Variants in CADPS2 observed in about 807,000 individuals in gnomAD.
CADPS2 encodes calcium dependent secretion activator 2, also known as calcium-dependent secretion activator 2.
CADPS2 carries 93 observed loss-of-function variants against 172.5 expected under a neutral mutation model. The observed-to-expected ratio is 0.54, with a 90% confidence interval of 0.46 to 0.64. The LOEUF (loss-of-function observed/expected upper bound fraction) is 0.64. Among genes scored for constraint, CADPS2 ranks in the 30% least tolerant of loss-of-function variants. CADPS2 has a pLI of 0.00. For synonymous variants in CADPS2, 546 were observed against 555.2 expected, an observed-to-expected ratio of 0.98 and a Z score of 0.23; for missense variants, 1,420 against 1,565.9, an observed-to-expected ratio of 0.91 and a Z score of 1.57.
intron 8 of CADPS2, among the ~76,000 whole-genome samples, chr7:122,521,873 T>C (rs1365454835): frequency 6.6e-6 from 1 of 152,166 alleles, no homozygotes; most frequent in East Asian, 1.9e-4. Context: ...GTTAGTTTCA[T>C]CTCAGTTAAA....
chr7:122,871,631 G>A (rs140691736), intron 1 of CADPS2, among the ~76,000 whole-genome samples: 39 of 152,154 alleles, frequency 2.6e-4, no homozygotes, highest in African/African-American at 7.7e-4. Context: ...TGAAAACGTG[G>A]CTTGTGTGAA....
intron 16 of CADPS2, 46 bp from the exon 17 acceptor site, chr7:122,438,510 G>C: frequency 6.3e-6 from 10 of 1,598,624 alleles, no homozygotes; most frequent in African/African-American, 2.7e-5. Flanking sequence ...GTTGGGGATA[G>C]ACAGATGGAA....
chr7:122,360,061 T>C (rs1330946323), intron 27 of CADPS2, among the ~76,000 whole-genome samples: 1 of 152,206 alleles, frequency 6.6e-6, no homozygotes, highest in Non-Finnish European at 1.5e-5. Context: ...TTATTTTTCA[T>C]TGTGCTCTAA....
At chr7:122,706,811 CAT>C (rs200334796) in intron 2 of CADPS2, among the ~76,000 whole-genome samples, 187 of 146,784 alleles carry the variant, frequency 1.3e-3, no homozygotes, top group African/African-American at 3.7e-3. Flanking sequence ...CACACACACA[CAT>C]ATATATATAT....
At chr7:122,522,740 C>G (rs2060909635) in intron 8 of CADPS2, among the ~76,000 whole-genome samples, 4 of 151,246 alleles carry the variant, frequency 2.6e-5, no homozygotes, top group Admixed American at 2.6e-4. Context: ...CCCCCAACAC[C>G]CTTCCCAGCC....
intron 17 of CADPS2, among the ~76,000 whole-genome samples, chr7:122,416,388 A>G (rs1163906653): frequency 1.3e-5 from 2 of 152,162 alleles, no homozygotes; most frequent in Non-Finnish European, 2.9e-5. Context: ...TTTAATATAT[A>G]AGAACAGGTG....
intron 8 of CADPS2, among the ~76,000 whole-genome samples, chr7:122,550,769 C>T (rs914214731): frequency 6.6e-6 from 1 of 152,092 alleles, no homozygotes; most frequent in Non-Finnish European, 1.5e-5. Context: ...TACAGACACA[C>T]ACACACACAC....
intron 28 of CADPS2, among the ~76,000 whole-genome samples, chr7:122,329,352 ATAG>A (rs2034506258): frequency 1.3e-5 from 2 of 152,082 alleles, no homozygotes; most frequent in Non-Finnish European, 2.9e-5. Context: ...CATCTCCTAA[ATAG>A]TGCAGCTGAG....
intron 1 of CADPS2, among the ~76,000 whole-genome samples, chr7:122,861,797 C>G (rs1312029919): frequency 6.6e-6 from 1 of 152,132 alleles, no homozygotes; most frequent in Non-Finnish European, 1.5e-5. Context: ...TAAATATGTA[C>G]CATTATCTGT....
chr7:122,701,678 AAGG>A (rs1363118313), intron 2 of CADPS2: 1 of 468,280 alleles, frequency 2.1e-6, no homozygotes, highest in African/African-American at 2.0e-5. Context: ...TGGGCATGAT[AAGG>A]AGTTTTATTT....
chr7:122,733,903 T>C (rs181542291), intron 2 of CADPS2, among the ~76,000 whole-genome samples: 1 of 152,200 alleles, frequency 6.6e-6, no homozygotes, highest in East Asian at 1.9e-4. Flanking sequence ...ATCACATCAC[T>C]GCACTCTAGT....
chr7:122,614,437 A>G (rs987169074), intron 6 of CADPS2, among the ~76,000 whole-genome samples: 1 of 152,156 alleles, frequency 6.6e-6, no homozygotes, highest in Non-Finnish European at 1.5e-5. Context: ...TTGGTATTAT[A>G]ATAAGGCAAA....
chr7:122,539,338 C>G (rs1228543263), intron 8 of CADPS2, among the ~76,000 whole-genome samples: 3 of 152,110 alleles, frequency 2.0e-5, no homozygotes, highest in Admixed American at 1.3e-4. Context: ...AATGCCTTCA[C>G]CAGATGCTGG....
intron 1 of CADPS2, among the ~76,000 whole-genome samples, chr7:122,865,492 G>C (rs561364748): frequency 1.4e-4 from 21 of 152,178 alleles, no homozygotes; most frequent in Non-Finnish European, 2.5e-4. Flanking sequence ...GCCAATTCTT[G>C]CTCCTATTGC....
At chr7:122,798,346 A>T (rs1417958602) in intron 1 of CADPS2, among the ~76,000 whole-genome samples, 1 of 152,182 alleles carries the variant, frequency 6.6e-6, no homozygotes, top group African/African-American at 2.4e-5. Context: ...TGTTCAAAAT[A>T]AGTGTATAAA....
intron 3 of CADPS2, among the ~76,000 whole-genome samples, chr7:122,645,605 T>C (rs190100685): frequency 1.7e-3 from 225 of 134,690 alleles, no homozygotes; most frequent in African/African-American, 5.4e-3. Context: ...TATATATATA[T>C]ACACACACAC....
chr7:122,515,735 G>T (rs1007593552), intron 8 of CADPS2, among the ~76,000 whole-genome samples: 1 of 151,946 alleles, frequency 6.6e-6, no homozygotes, highest in African/African-American at 2.4e-5. Context: ...CCTGCATAAA[G>T]AATAATAATC....
At chr7:122,824,992 C>T (rs545962450) in intron 1 of CADPS2, among the ~76,000 whole-genome samples, 9 of 151,434 alleles carry the variant, frequency 5.9e-5, no homozygotes, top group South Asian at 2.1e-4. Flanking sequence ...GCCAAGGAAA[C>T]GAAAAAAGTA....
At chr7:122,387,482 C>T (rs1279058838) in intron 23 of CADPS2, among the ~76,000 whole-genome samples, 1 of 152,012 alleles carries the variant, frequency 6.6e-6, no homozygotes, top group Non-Finnish European at 1.5e-5. Context: ...CATAATTTCA[C>T]TTAATTGTCT....
Sources: gnomAD v4.1 joint callset for allele counts (sites outside exome capture counted in the v4.1 genomes callset) on GRCh38, gnomAD v4.1.1 for gene constraint, MANE v1.5 for transcripts, NCBI Gene and HGNC (gene_info 2026-07-23, HGNC 2026-07-21) for gene names.